Variants in ATXN3 observed in about 807,000 individuals in gnomAD.
The protein encoded by ATXN3 is ataxin 3.
Under a neutral mutation model 58.2 loss-of-function variants are expected in ATXN3, and 28 were observed. That is an observed-to-expected ratio of 0.48 (90% CI 0.36 to 0.66). The LOEUF is 0.66. ATXN3 is among the 30% of genes least tolerant of loss of function. The pLI is 0.00. For synonymous variants in ATXN3, 113 were observed against 138.5 expected (o/e 0.82, Z 1.29); for missense variants, 321 against 422.1 (o/e 0.76, Z 2.10).
chr14:92,069,650 G>A (rs2059109883), intron 10 of ATXN3, among the ~76,000 whole-genome samples: 1 of 152,200 alleles, frequency 6.6e-6, no homozygotes, highest in African/African-American at 2.4e-5. Context: ...GGGATTATAG[G>A]CATGGGCCAC....
At chr14:92,090,187 C>T (rs190227164) in intron 5 of ATXN3, among the ~76,000 whole-genome samples, 107 of 152,250 alleles carry the variant, frequency 7.0e-4, no homozygotes, top group African/African-American at 1.8e-3. Context: ...ACTGCAGCCT[C>T]GAACACCTGG....
chr14:92,102,440 C>A lies in ATXN3; in HGVS notation c.24+4089G>T, dbSNP rs532236578. On this transcript the variant is annotated intron_variant, in intron 1 of 10. Transcript: ENST00000644486. ...AAGAGAACTGCTACCAAATCATTTACCCCCAACCTCCCCAGGTTTTCAAGA... is the reference window on the plus strand; with the variant it reads ...AAGAGAACTGCTACCAAATCATTTAACCCCAACCTCCCCAGGTTTTCAAGA... Among the ~76,000 whole-genome samples the A allele has an allele frequency of 2.5e-3, 382 of 152,230 alleles. 4 individuals are homozygous for A. The highest frequency in any genetic ancestry group is 3.4e-3 in the Middle Eastern group (1 of 294).
At chr14:92,073,881 T>TACACACCTGTAGTCCC (rs2059881800) in intron 9 of ATXN3, among the ~76,000 whole-genome samples, 1 of 150,672 alleles carries the variant, frequency 6.6e-6, no homozygotes, top group Non-Finnish European at 1.5e-5. Context: ...GGTGTGGTGC[T>TACACACCTGTAGTCCC]ACACACCTGT....
chr14:92,078,464 T>C (rs11849927), intron 9 of ATXN3, among the ~76,000 whole-genome samples: 43,665 of 151,708 alleles, frequency 0.29, 6,697 homozygotes, highest in East Asian at 0.44. Context: ...CGGGTTCAAG[T>C]GATTCTCCTG....
In ATXN3 at chr14:92,061,317, TAG is replaced by T. The variant is rs1176187741; in HGVS notation, c.*3001_*3002del. Reference sequence around the variant, plus strand: ...AAATTATTTGGCCAAGATCCTAGTATAGAGTTTACCTGCAGCAGCCTTTTCAA... The same window carrying T: ...AAATTATTTGGCCAAGATCCTAGTATAGTTTACCTGCAGCAGCCTTTTCAA... On this transcript the variant is annotated 3_prime_UTR_variant, in exon 11 of 11. Transcript: ENST00000644486. 2 of 151,970 alleles carry T rather than the reference TAG, an allele frequency of 1.3e-5. No homozygotes were observed. The highest frequency in any genetic ancestry group is 2.9e-5 in the Non-Finnish European group (2 of 68,006). 9.4% of individuals were successfully genotyped at this position (151,970 alleles called of 1,614,324 possible).
At chr14:92,081,388 G>A (rs548356150) in intron 8 of ATXN3, among the ~76,000 whole-genome samples, 2 of 146,626 alleles carry the variant, frequency 1.4e-5, no homozygotes, top group South Asian at 2.1e-4. Context: ...CAGGAGAATC[G>A]CTTGAACCTC....
chr14:92,049,232 G>A (rs1458442718), intron 1 of ATXN3, among the ~76,000 whole-genome samples: 1 of 152,140 alleles, frequency 6.6e-6, no homozygotes, highest in Non-Finnish European at 1.5e-5. Context: ...AGTGAAGGAA[G>A]TAAGTTTAAA....
rs2057718607 is a variant in ATXN3, at chr14:92,060,727, T to C, written c.*3593A>G. The C allele has an allele frequency of 6.7e-6, 1 of 149,298 alleles. No individual in the cohort carries two copies. The highest frequency in any genetic ancestry group is 2.0e-4 in the East Asian group (1 of 5,016). The allele number at this position is 149,298 out of a possible 1,614,324, so 9.2% of individuals were successfully genotyped here. On this transcript the variant is annotated 3_prime_UTR_variant, in exon 11 of 11. Transcript: ENST00000644486. ...TTAAGAATTTAGTAGCTCTTGGCAC[T>C]AGCATGATTTTTTTTTTTTTTTTGA...
intron 5 of ATXN3, among the ~76,000 whole-genome samples, chr14:92,090,188 G>A (rs1204036614): frequency 2.6e-5 from 4 of 152,048 alleles, no homozygotes; most frequent in Non-Finnish European, 4.4e-5. Context: ...CTGCAGCCTC[G>A]AACACCTGGG....
chr14:92,082,292 G>A lies in ATXN3; in HGVS notation c.775+8C>T. 1 of 1,611,264 alleles carries A rather than the reference G, an allele frequency of 6.2e-7. No homozygotes were observed. Among genetic ancestry groups the A allele is most frequent in the Non-Finnish European group, 8.5e-7 (1 of 1,178,356 alleles). On this transcript the variant is annotated splice_region_variant and intron_variant, in intron 8 of 10. Transcript: ENST00000644486. ...CAATGAATACAACACACATCAGAAT[G>A]TCTTTACCTTGCATACTTAGCTGAA...
downstream of ATXN3, among the ~76,000 whole-genome samples, chr14:92,053,777 G>A (rs943267512): frequency 6.6e-6 from 1 of 152,060 alleles, no homozygotes; most frequent in East Asian, 1.9e-4. Flanking sequence ...GGGATGACAG[G>A]TGTAAGCCAC....
downstream of ATXN3, among the ~76,000 whole-genome samples, chr14:92,056,220 G>A (rs1346917313): frequency 1.3e-5 from 2 of 152,170 alleles, no homozygotes; most frequent in African/African-American, 4.8e-5. Context: ...GTGACATGTG[G>A]CTCAGGGCTG....
chr14:92,064,147 CATT>C lies in ATXN3; in HGVS notation c.*170_*172del, dbSNP rs1408228180. On this transcript the variant is annotated 3_prime_UTR_variant, in exon 11 of 11. Coordinates refer to ENST00000644486, the MANE Select transcript of ATXN3 (RefSeq NM_004993.6). ...CCTCTTTGGCTAATATTTGGAAGATCATTATTTAGTCCTACAACCGACGCATTG... is the reference window on the plus strand; with the variant it reads ...CCTCTTTGGCTAATATTTGGAAGATCATTTAGTCCTACAACCGACGCATTG... 1.1e-5 allele frequency: 5 copies of C among 434,902 alleles called. No homozygotes were observed. Among genetic ancestry groups the C allele is most frequent in the African/African-American group, 6.1e-5 (3 of 49,162 alleles). 26.9% of individuals were successfully genotyped at this position (434,902 alleles called of 1,614,324 possible).
chr14:92,104,587 T>C (rs1031058965), intron 1 of ATXN3, among the ~76,000 whole-genome samples: 1 of 152,222 alleles, frequency 6.6e-6, no homozygotes, highest in Admixed American at 6.5e-5. Context: ...GTTTAAGGCC[T>C]TCCATGTTGA....
intron 9 of ATXN3, among the ~76,000 whole-genome samples, chr14:92,076,271 C>T (rs1382017581): frequency 6.6e-6 from 1 of 151,710 alleles, no homozygotes; most frequent in Non-Finnish European, 1.5e-5. Context: ...CATGGTGAAA[C>T]CCCCTCTCTA....
At chr14:92,097,586 CAT>C (rs1300982218) in intron 1 of ATXN3, among the ~76,000 whole-genome samples, 5 of 150,668 alleles carry the variant, frequency 3.3e-5, no homozygotes, top group South Asian at 4.2e-4. Context: ...AGTGCAGTGG[CAT>C]GATCTCGGCT....
downstream of ATXN3, among the ~76,000 whole-genome samples, chr14:92,054,460 C>A (rs2057458562): frequency 6.6e-6 from 1 of 152,180 alleles, no homozygotes; most frequent in South Asian, 2.1e-4. Flanking sequence ...TGGTGCTACG[C>A]CCCCACCAGC....
At position 92,063,843 on chromosome 14, in the gene ATXN3, T is replaced by C. The variant is rs2057953468; in HGVS notation, c.*477A>G. 6.5e-6 allele frequency: 1 copy of C among 153,266 alleles called. No individual in the cohort carries two copies. The highest frequency in any genetic ancestry group is 1.5e-5 in the Non-Finnish European group (1 of 68,904). The allele number at this position is 153,266 out of a possible 1,614,324, so 9.5% of individuals were successfully genotyped here. ...AGAACTGTTCATCCTTCTAGAACCATTACTATTATCAACATCAGGAAAGTA... is the reference window on the plus strand; with the variant it reads ...AGAACTGTTCATCCTTCTAGAACCACTACTATTATCAACATCAGGAAAGTA... On this transcript the variant is annotated 3_prime_UTR_variant, in exon 11 of 11. Transcript: ENST00000644486.
chr14:92,072,524 T>G (rs1018720105), intron 9 of ATXN3, among the ~76,000 whole-genome samples: 3 of 152,164 alleles, frequency 2.0e-5, no homozygotes, highest in African/African-American at 7.2e-5. Context: ...CTGGTAAGTA[T>G]AGTGCAAATA....
Sources: gnomAD v4.1 joint callset for allele counts (sites outside exome capture counted in the v4.1 genomes callset) on GRCh38, gnomAD v4.1.1 for gene constraint, MANE v1.5 for transcripts, NCBI Gene and HGNC (gene_info 2026-07-23, HGNC 2026-07-21) for gene names.